Variants in NUP205 observed in about 807,000 individuals in gnomAD.
NUP205 encodes nucleoporin 205, also known as nuclear pore complex protein Nup205.
In NUP205, 76 loss-of-function variants were observed where a neutral mutation model predicts 253.8. The ratio of observed to expected loss-of-function variants is 0.30; its 90% CI spans 0.25 to 0.36. NUP205 has a LOEUF of 0.36. Ranked by LOEUF, NUP205 falls within the 10% of genes least tolerant of loss-of-function variation. NUP205 has a pLI of 1.00. For synonymous variants in NUP205, 832 were observed against 850.1 expected (o/e 0.98, Z 0.37); for missense variants, 2,162 against 2,425.5 (o/e 0.89, Z 2.28).
chr7:135,575,914 A>G (rs1281145794), intron 3 of NUP205, among the ~76,000 whole-genome samples: 1 of 152,268 alleles, frequency 6.6e-6, no homozygotes, highest in Non-Finnish European at 1.5e-5. Flanking sequence ...GAAAGATTCC[A>G]TATGAGATAG....
At chr7:135,592,029 C>T (rs1806643253) in intron 11 of NUP205, among the ~76,000 whole-genome samples, 2 of 152,230 alleles carry the variant, frequency 1.3e-5, no homozygotes, top group Admixed American at 6.5e-5. Flanking sequence ...AGACCAAAAA[C>T]ACTGTAAAAG....
Position 135,573,689 on chromosome 7 carries a change from A to C in NUP205, c.207A>C (p.Lys69Asn), listed in dbSNP as rs1013292017. ...KNVQQHEKVQKASTEGVAIQG... is the reference protein window; with the variant it reads ...KNVQQHEKVQNASTEGVAIQG... ...TTCAACAGCATGAGAAGGTTCAGAA[A>C]GCCAGTACAGAGGGAGTCGCCATTC... The change falls in exon 3 of 43, where the codon AAA becomes AAC. Residue 69 changes from lysine to asparagine, a missense_variant. Coordinates refer to ENST00000285968, the MANE Select transcript of NUP205 (RefSeq NM_015135.3). 2 of 1,613,144 alleles carry C rather than the reference A, an allele frequency of 1.2e-6. No individual in the cohort carries two copies. The highest frequency in any genetic ancestry group is 1.7e-6 in the Non-Finnish European group (2 of 1,179,768).
Position 135,578,799 on chromosome 7 carries a change from C to T in NUP205, c.926C>T (p.Thr309Ile), listed in dbSNP as rs746157429. Residue 309 changes from threonine (T) to isoleucine (I), a missense_variant, in exon 7 of 43, where the codon ACA (threonine) becomes ATA (isoleucine). Physicochemically the swap from Thr to Ile is moderately conservative, Grantham distance 89. Coordinates refer to ENST00000285968, the MANE Select transcript of NUP205 (RefSeq NM_015135.3). ...TTGACAGAAAAACAGTACATTGCAACAATTCACTCTCGTCTTCAGGACTCA... is the reference window on the plus strand; with the variant it reads ...TTGACAGAAAAACAGTACATTGCAATAATTCACTCTCGTCTTCAGGACTCA... ...PLLTEKQYIA[T>I]IHSRLQDSQL... 1 of 1,610,020 alleles carries T rather than the reference C, an allele frequency of 6.2e-7. No individual in the cohort carries two copies. The highest frequency in any genetic ancestry group is 8.5e-7 in the Non-Finnish European group (1 of 1,178,578).
chr7:135,616,127 C>A, intron 24 of NUP205, 62 bp downstream of exon 24: 1 of 1,471,980 alleles, frequency 6.8e-7, no homozygotes, highest in Non-Finnish European at 9.3e-7. Flanking sequence ...AAGCACAAAT[C>A]TGAAGCTTGT....
chr7:135,559,749 T>G (rs1347955775), intron 1 of NUP205, among the ~76,000 whole-genome samples: 1 of 150,774 alleles, frequency 6.6e-6, no homozygotes, highest in East Asian at 2.0e-4. Flanking sequence ...TGGAGTGCAG[T>G]GGCGTGATCT....
intron 34 of NUP205, among the ~76,000 whole-genome samples, chr7:135,630,109 T>G (rs1439294918): frequency 1.3e-5 from 2 of 152,136 alleles, no homozygotes; most frequent in Non-Finnish European, 2.9e-5. Context: ...AATCCTTTAG[T>G]CTTGTGAATT....
chr7:135,604,399 G>A lies in NUP205; in HGVS notation c.2762G>A (p.Cys921Tyr), dbSNP rs750715383. The change falls in exon 19 of 43, where the codon TGT (cysteine) becomes TAT (tyrosine). Residue 921 changes from cysteine (C) to tyrosine (Y), a missense_variant. This residue lies in a region of NUP205 where 892 missense variants were observed against 957.1 expected (regional missense o/e 0.93). Transcript: ENST00000285968. The stretch of plus-strand genomic sequence containing the variant: ...GCTTTTGAAAGTGCCAAGATCCTCT[G>A]TTGTATCTCTTGCAACTCTAATATT... ...ELAFESAKIL[C>Y]CISCNSNIQI... is the part of the protein sequence containing the mutation. 5.0e-6 allele frequency: 8 copies of A among 1,612,730 alleles called. 1 individual carries two copies. The Admixed American group carries it at 6.7e-5, about 13-fold the overall frequency.
chr7:135,638,917 T>C (rs1168917145), intron 38 of NUP205, among the ~76,000 whole-genome samples: 1 of 152,144 alleles, frequency 6.6e-6, no homozygotes, highest in Non-Finnish European at 1.5e-5. Flanking sequence ...GAACCATGTT[T>C]TGAATAGCAC....
chr7:135,618,626 T>C, intron 28 of NUP205, 23 bp downstream of exon 28: 1 of 1,526,470 alleles, frequency 6.6e-7, no homozygotes, highest in Non-Finnish European at 8.8e-7. Flanking sequence ...CTAAAATACT[T>C]TATACTGCTG....
intron 10 of NUP205, among the ~76,000 whole-genome samples, chr7:135,588,853 T>A (rs1435203142): frequency 6.6e-6 from 1 of 151,388 alleles, no homozygotes; most frequent in African/African-American, 2.4e-5. Flanking sequence ...GCAAAAATTC[T>A]TTCTGTATTA....
Position 135,616,039 on chromosome 7 carries a change from A to T in NUP205, c.3434A>T (p.Asp1145Val), listed in dbSNP as rs753665548. 33 of 1,613,456 alleles carry T rather than the reference A, an allele frequency of 2.0e-5. No individual in the cohort carries two copies. The highest frequency in any genetic ancestry group is 2.6e-5 in the Non-Finnish European group (31 of 1,179,662). The change falls in exon 24 of 43, where the codon GAT becomes GTT. Residue 1145 changes from aspartate (D) to valine (V), a missense_variant. Asp to Val is a radical substitution (Grantham distance 152). Around this residue, in one of 5 missense-constraint regions of NUP205, gnomAD observed 1,144 missense variants for 1,280.9 expected, o/e 0.89. Transcript: ENST00000285968. Reference protein sequence around the residue: ...HTQRLLHLLLDDMPVKPYSDG... With the variant: ...HTQRLLHLLLVDMPVKPYSDG... ...CAGAGGCTCCTACACCTCTTACTGG[A>T]TGACATGCCAGTGAAACCATACTCA...
chr7:135,624,297 G>T (rs1794535094), intron 31 of NUP205, among the ~76,000 whole-genome samples: 1 of 151,914 alleles, frequency 6.6e-6, no homozygotes, highest in Non-Finnish European at 1.5e-5. Flanking sequence ...TGCCTCCCAG[G>T]TTCAAGCAAT....
At position 135,643,275 on chromosome 7, in the gene NUP205, T is replaced by G. The variant is rs1794948015; in HGVS notation, c.5476T>G (p.Phe1826Val). ...IYLLKQSANDFFSYYDSHRQS... is the reference protein window; with the variant it reads ...IYLLKQSANDVFSYYDSHRQS... ...CCTGCTGAAACAGAGTGCTAATGAT[T>G]TCTTCAGCTATTATGACAGTCATCG... Residue 1826 changes from phenylalanine to valine, a missense_variant, in exon 39 of 43, where the codon TTC becomes GTC. By Grantham distance (50) the Phe-to-Val change is conservative. This residue lies in a region of NUP205 where 1,144 missense variants were observed against 1,280.9 expected (regional missense o/e 0.89). Coordinates refer to ENST00000285968, the MANE Select transcript of NUP205 (RefSeq NM_015135.3). The G allele has an allele frequency of 1.2e-6, 2 of 1,614,148 alleles. No homozygotes were observed. Among genetic ancestry groups the G allele is most frequent in the Non-Finnish European group, 1.7e-6 (2 of 1,180,000 alleles).
intron 39 of NUP205, 82 bp downstream of exon 39, chr7:135,643,440 A>G (rs1056911353): frequency 1.4e-5 from 15 of 1,052,892 alleles, no homozygotes; most frequent in Non-Finnish European, 1.9e-5. Context: ...AGTAAAGACA[A>G]CGTATACAGT....
intron 11 of NUP205, 94 bp from the exon 12 acceptor site, chr7:135,592,893 A>G (rs1391292224): frequency 7.1e-6 from 7 of 984,444 alleles, no homozygotes; most frequent in Admixed American, 2.3e-5. Context: ...TCAAAAAAGA[A>G]AAAAGTATAT....
chr7:135,576,506 T>A, intron 4 of NUP205, 92 bp downstream of exon 4: 1 of 1,087,538 alleles, frequency 9.2e-7, no homozygotes, highest in Non-Finnish European at 1.4e-6. Flanking sequence ...GAGCAATATG[T>A]AACATAAGCT....
intron 2 of NUP205, among the ~76,000 whole-genome samples, chr7:135,571,450 A>G (rs1446354041): frequency 6.7e-6 from 1 of 150,068 alleles, no homozygotes; most frequent in Non-Finnish European, 1.5e-5. Flanking sequence ...TTTGTAGCCC[A>G]GGCTTGTCTT....
At chr7:135,609,104 C>CAA (rs1163880987) in intron 22 of NUP205, among the ~76,000 whole-genome samples, 764 of 66,120 alleles carry the variant, frequency 0.012, 9 homozygotes, top group Middle Eastern at 0.017. Flanking sequence ...AACTCCGTCT[C>CAA]AAAAAAAAAA....
chr7:135,619,107 C>T (rs1276928061), intron 28 of NUP205, among the ~76,000 whole-genome samples: 1 of 152,048 alleles, frequency 6.6e-6, no homozygotes, highest in Non-Finnish European at 1.5e-5. Context: ...TTCATGCCTG[C>T]AATCCCAGAA....
Sources: gnomAD v4.1 joint callset for allele counts (sites outside exome capture counted in the v4.1 genomes callset) on GRCh38, gnomAD v4.1.1 for gene constraint, gnomAD v4.1.1 regional missense constraint, MANE v1.5 for transcripts, NCBI Gene and HGNC (gene_info 2026-07-23, HGNC 2026-07-21) for gene names.